STIMATE: variants seen among roughly 807,000 people sequenced by gnomAD.
STIMATE encodes STIM activating enhancer, also known as store-operated calcium entry regulator STIMATE.
A neutral mutation model predicts 36.7 loss-of-function variants in STIMATE; 15 were observed. The ratio of observed to expected loss-of-function variants is 0.41; its 90% CI spans 0.27 to 0.63. The LOEUF (loss-of-function observed/expected upper bound fraction) is 0.63. Among genes scored for constraint, STIMATE ranks in the 20% least tolerant of loss-of-function variants. The pLI, the probability that STIMATE is intolerant of heterozygous loss-of-function variation, is 0.32. For synonymous variants in STIMATE, 163 were observed against 162.3 expected, an observed-to-expected ratio of 1.00 and a Z score of -0.03; for missense variants, 305 against 397.3, an observed-to-expected ratio of 0.77 and a Z score of 1.98.
At chr3:52,853,609 C>A (rs2106671009) in intron 2 of STIMATE, among the ~76,000 whole-genome samples, 1 of 151,720 alleles carries the variant, frequency 6.6e-6, no homozygotes, top group Non-Finnish European at 1.5e-5. Context: ...GAGGAGTTAC[C>A]AAAGGACAAC....
At chr3:52,850,015 G>C (rs73839525) in intron 3 of STIMATE, 102 bp from the exon 4 acceptor site, 54 of 1,461,706 alleles carry the variant, frequency 3.7e-5, no homozygotes, top group Non-Finnish European at 4.8e-5. Flanking sequence ...CCCAGCATTT[G>C]TTTGGGCCCA....
chr3:52,897,376 G>A lies in STIMATE; in HGVS notation c.75C>T (p.Gly25=). 6.6e-7 allele frequency: 1 copy of A among 1,503,850 alleles called. No homozygotes were observed. 93.2% of individuals were successfully genotyped at this position (1,503,850 alleles called of 1,614,324 possible). The stretch of plus-strand genomic sequence containing the variant: ...GCATGAGCGCGCCGCTCTCGCAGCG[G>A]CCCGCCCCGGACGCGACTGTGGAGG... ...GPPSTVASGA[G]RCESGALMHS... The change falls in exon 1 of 8, where the codon GGC becomes GGT. Residue 25 remains glycine (G), a synonymous_variant. Coordinates refer to ENST00000355083, the MANE Select transcript of STIMATE (RefSeq NM_198563.5).
intron 1 of STIMATE, among the ~76,000 whole-genome samples, chr3:52,863,413 T>C (rs1701250986): frequency 6.6e-6 from 1 of 152,166 alleles, no homozygotes; most frequent in African/African-American, 2.4e-5. Flanking sequence ...AGGAACAGTA[T>C]GGGGGAAACC....
At chr3:52,884,331 C>T (rs903624916) in intron 1 of STIMATE, among the ~76,000 whole-genome samples, 1 of 151,692 alleles carries the variant, frequency 6.6e-6, no homozygotes, top group African/African-American at 2.4e-5. Flanking sequence ...CTGCAACCTC[C>T]GCTTCCCGGG....
intron 1 of STIMATE, among the ~76,000 whole-genome samples, chr3:52,855,788 C>A (rs1275320896): frequency 6.6e-6 from 1 of 152,210 alleles, no homozygotes; most frequent in Non-Finnish European, 1.5e-5. Context: ...TGTGCTCTAT[C>A]CAAGGACAAA....
In STIMATE at chr3:52,849,804, A is replaced by T; in HGVS notation, c.415T>A (p.Phe139Ile). Residue 139 changes from phenylalanine (F) to isoleucine (I), a missense_variant, in exon 4 of 8, where the codon TTC becomes ATC. Coordinates refer to ENST00000355083, the MANE Select transcript of STIMATE (RefSeq NM_198563.5). The part of the protein sequence containing the change: ...VEWQQWESLR[F>I]GEYGDPLQCG... ...CACAGCATATTACCATATTCGCCGA[A>T]GCGCAGGGACTCCCACTGCTGCCAC... The T allele has an allele frequency of 6.2e-7, 1 of 1,613,246 alleles. No individual in the cohort carries two copies. Among genetic ancestry groups the T allele is most frequent in the African/African-American group, 1.3e-5 (1 of 75,072 alleles).
intron 1 of STIMATE, among the ~76,000 whole-genome samples, chr3:52,862,262 C>T (rs1701229943): frequency 2.0e-5 from 3 of 152,226 alleles, no homozygotes; most frequent in Non-Finnish European, 4.4e-5. Flanking sequence ...CCCATTTCTA[C>T]TGGCAAGCTA....
intron 1 of STIMATE, among the ~76,000 whole-genome samples, chr3:52,884,419 T>C (rs1701659698): frequency 6.6e-6 from 1 of 152,060 alleles, no homozygotes; most frequent in Non-Finnish European, 1.5e-5. Context: ...CTAATTTTTA[T>C]ACTTTTAGTA....
chr3:52,880,369 T>G (rs1701582630), intron 1 of STIMATE, among the ~76,000 whole-genome samples: 1 of 152,212 alleles, frequency 6.6e-6, no homozygotes, highest in Non-Finnish European at 1.5e-5. Context: ...GTTAAAACAC[T>G]GTCAAGAGTG....
At chr3:52,860,202 T>C (rs990104985) in intron 1 of STIMATE, among the ~76,000 whole-genome samples, 1 of 151,372 alleles carries the variant, frequency 6.6e-6, no homozygotes, top group Non-Finnish European at 1.5e-5. Context: ...ACAAGCCCCA[T>C]TCAGCAGGAG....
chr3:52,851,511 G>A (rs1261840913), intron 3 of STIMATE, among the ~76,000 whole-genome samples: 1 of 152,244 alleles, frequency 6.6e-6, no homozygotes, highest in Non-Finnish European at 1.5e-5. Context: ...AGGTCAGCAG[G>A]AAAACCAGTG....
chr3:52,859,513 A>AT (rs1701169838), intron 1 of STIMATE, among the ~76,000 whole-genome samples: 3 of 92,962 alleles, frequency 3.2e-5, no homozygotes, highest in Non-Finnish European at 6.5e-5. Context: ...AAAAAAAAAA[A>AT]AAAAAAAAAA....
At chr3:52,856,662 C>A (rs1701102916) in intron 1 of STIMATE, among the ~76,000 whole-genome samples, 1 of 151,574 alleles carries the variant, frequency 6.6e-6, no homozygotes, top group African/African-American at 2.4e-5. Flanking sequence ...CCTGTCTGGG[C>A]AACAGAGCGA....
At chr3:52,851,115 A>T (rs1180180162) in intron 3 of STIMATE, among the ~76,000 whole-genome samples, 6 of 152,214 alleles carry the variant, frequency 3.9e-5, no homozygotes, top group African/African-American at 1.4e-4. Context: ...AGGGCATACC[A>T]CATGAACTGT....
At chr3:52,858,977 G>A (rs1386732226) in intron 1 of STIMATE, among the ~76,000 whole-genome samples, 1 of 151,508 alleles carries the variant, frequency 6.6e-6, no homozygotes, top group African/African-American at 2.4e-5. Context: ...TGGTCAACAA[G>A]GCAAAACCCC....
intron 1 of STIMATE, among the ~76,000 whole-genome samples, chr3:52,871,396 G>A (rs1169946060): frequency 2.0e-5 from 3 of 152,118 alleles, no homozygotes; most frequent in Admixed American, 2.0e-4. Flanking sequence ...CCTCATCTGT[G>A]TGGGAGCACC....
intron 1 of STIMATE, among the ~76,000 whole-genome samples, chr3:52,896,761 AG>A (rs1701870942): frequency 6.6e-6 from 1 of 152,142 alleles, no homozygotes; most frequent in Non-Finnish European, 1.5e-5. Flanking sequence ...GGCCACGGAG[AG>A]GGAGGCGGGT....
intron 1 of STIMATE, among the ~76,000 whole-genome samples, chr3:52,876,894 C>T (rs186839157): frequency 8.5e-5 from 13 of 152,246 alleles, no homozygotes; most frequent in Middle Eastern, 3.4e-3. Flanking sequence ...CTAACCCCCA[C>T]GCTGTTCAAG....
chr3:52,849,640 C>G lies in STIMATE; in HGVS notation c.427+152G>C, dbSNP rs898697370. On this transcript the variant is annotated intron_variant, in intron 4 of 7. Transcript: ENST00000355083. ...ACCCACACCCACAGGAGGGTGTGCT[C>G]AAACCCAGAACAGCCCCCTCTACCA... The G allele has an allele frequency of 3.1e-5, 37 of 1,199,700 alleles. No individual in the cohort carries two copies. The African/African-American group carries it at 1.1e-3, about 36-fold the overall frequency. 74.3% of individuals were successfully genotyped at this position (1,199,700 alleles called of 1,614,324 possible). A position where few individuals can be genotyped will look rare whatever the true frequency, so the allele number is the denominator to read the frequency against.
Sources: gnomAD v4.1 joint callset for allele counts (sites outside exome capture counted in the v4.1 genomes callset) on GRCh38, gnomAD v4.1.1 for gene constraint, MANE v1.5 for transcripts, NCBI Gene and HGNC (gene_info 2026-07-23, HGNC 2026-07-21) for gene names.